Variants in EVI5L observed in about 807,000 individuals in gnomAD.
EVI5L encodes the protein ecotropic viral integration site 5 like, also known as EVI5-like protein.
A neutral mutation model predicts 106.1 loss-of-function variants in EVI5L; 30 were observed. That is an observed-to-expected ratio of 0.28 (90% CI 0.21 to 0.38). EVI5L has a LOEUF of 0.38. Among genes scored for constraint, EVI5L ranks in the 10% least tolerant of loss-of-function variants. The pLI is 1.00. For synonymous variants in EVI5L, 489 were observed against 483.3 expected, an observed-to-expected ratio of 1.01 and a Z score of -0.15; for missense variants, 809 against 1,098.0, an observed-to-expected ratio of 0.74 and a Z score of 3.72.
intron 1 of EVI5L, among the ~76,000 whole-genome samples, chr19:7,844,105 C>T (rs1978838143): frequency 6.6e-6 from 1 of 151,712 alleles, no homozygotes; most frequent in Non-Finnish European, 1.5e-5. Flanking sequence ...GTAATCCCAG[C>T]ACTTTGGGAG....
Position 7,864,836 on chromosome 19 carries a change from G to A in EVI5L, c.*1134G>A, listed in dbSNP as rs924173076. 6.6e-6 allele frequency: 1 copy of A among 152,464 alleles called. No homozygotes were observed. The highest frequency in any genetic ancestry group is 1.5e-5 in the Non-Finnish European group (1 of 68,070). The allele number at this position is 152,464 out of a possible 1,614,324, so 9.4% of individuals were successfully genotyped here. On this transcript the variant is annotated 3_prime_UTR_variant, in exon 20 of 20. Transcript: ENST00000538904. The surrounding 1 kb of genome is among the most constrained non-coding windows in gnomAD (Gnocchi z 4.5). Reference sequence around the variant, plus strand: ...GCTTCCTAGCTGCCCACTTTTCAGTGTTACGAAGCCTGGGGACCGGGGCAG... The same window carrying A: ...GCTTCCTAGCTGCCCACTTTTCAGTATTACGAAGCCTGGGGACCGGGGCAG...
chr19:7,845,097 G>A lies in EVI5L; in HGVS notation c.-47-1399G>A, dbSNP rs974786861. ...GATATCCCCACTCCAAGGACCCAGCGAGGCCCTCTCTGTAGGTGGAGCTGT... is the reference window on the plus strand; with the variant it reads ...GATATCCCCACTCCAAGGACCCAGCAAGGCCCTCTCTGTAGGTGGAGCTGT... On this transcript the variant is annotated intron_variant, in intron 1 of 19. Coordinates refer to ENST00000538904, the MANE Select transcript of EVI5L (RefSeq NM_001159944.3). The surrounding 1 kb of genome is among the most constrained non-coding windows in gnomAD (Gnocchi z 4.0). Among the ~76,000 whole-genome samples the A allele has an allele frequency of 2.6e-5, 4 of 152,064 alleles. No homozygotes were observed. The highest frequency in any genetic ancestry group is 4.4e-5 in the Non-Finnish European group (3 of 67,986).
chr19:7,849,942 G>T (rs545130237), intron 5 of EVI5L, 55 bp from the exon 6 acceptor site: 18 of 1,474,794 alleles, frequency 1.2e-5, no homozygotes, highest in Non-Finnish European at 1.7e-5. Flanking sequence ...TGAGCAGCGA[G>T]ATGCCCCTCC....
Position 7,856,041 on chromosome 19 carries a change from G to C in EVI5L, c.1173G>C (p.Leu391=). Residue 391 remains leucine, a synonymous_variant, in exon 11 of 20, where the codon CTG becomes CTC. Transcript: ENST00000538904. The surrounding 1 kb of genome is among the most constrained non-coding windows in gnomAD (Gnocchi z 6.6). ...IKRLRTENRL[L]KQRIETLEKE... ...GACTTCGGACGGAGAACCGGCTCCT[G>C]AAACAGCGGATTGAAACCCTAGAGA... 7.5e-7 allele frequency: 1 copy of C among 1,329,786 alleles called. No individual in the cohort carries two copies. The highest frequency in any genetic ancestry group is 9.7e-7 in the Non-Finnish European group (1 of 1,030,262). The allele number at this position is 1,329,786 out of a possible 1,614,324, so 82.4% of individuals were successfully genotyped here.
chr19:7,842,886 G>A (rs2042865385), intron 1 of EVI5L, among the ~76,000 whole-genome samples: 1 of 150,406 alleles, frequency 6.6e-6, no homozygotes, highest in Non-Finnish European at 1.5e-5. Flanking sequence ...AATGTGCATG[G>A]GTATGTGTGT....
At chr19:7,862,945 C>A (rs1302464082) in intron 17 of EVI5L, 27 bp from the exon 18 acceptor site, 2 of 1,477,674 alleles carry the variant, frequency 1.4e-6, no homozygotes, top group East Asian at 5.2e-5. Context: ...GACCCGCCCT[C>A]CTTTCCCCCC....
intron 1 of EVI5L, among the ~76,000 whole-genome samples, chr19:7,843,007 T>C (rs1978720485): frequency 6.6e-6 from 1 of 151,832 alleles, no homozygotes; most frequent in Non-Finnish European, 1.5e-5. Context: ...TGTGTGCATG[T>C]GTGTATAGGT....
chr19:7,846,363 T>A (rs1385803459), intron 1 of EVI5L, 133 bp from the exon 2 acceptor site: 1 of 740,376 alleles, frequency 1.4e-6, no homozygotes, highest in Admixed American at 3.4e-5. Context: ...CTGGGGCGCA[T>A]GGGGATGAGG....
chr19:7,857,053 C>T lies in EVI5L; in HGVS notation c.1201-39C>T. The T allele has an allele frequency of 6.4e-7, 1 of 1,551,690 alleles. No homozygotes were observed. Among genetic ancestry groups the T allele is most frequent in the South Asian group, 1.2e-5 (1 of 84,068 alleles). On this transcript the variant is annotated intron_variant, in intron 11 of 19. Transcript: ENST00000538904. This position sits in a 1 kb window ranked among gnomAD's most constrained non-coding sequence, Gnocchi z 4.5. ...CCTGTCCCCGCGCCTTCCGCTCTGC[C>T]TCCTCCCCCTGTCGCTGGGAACCCC...
rs536134166 is a variant in EVI5L, at chr19:7,835,883, G to A, written c.-48+5502G>A. ...CAAATCGGGGTCACATGGCATCTTG[G>A]GCTTTAGATTCCGAAATGAGTCTGT... On this transcript the variant is annotated intron_variant, in intron 1 of 19. Coordinates refer to ENST00000538904, the MANE Select transcript of EVI5L (RefSeq NM_001159944.3). This position sits in a 1 kb window ranked among gnomAD's most constrained non-coding sequence, Gnocchi z 4.1. Among the ~76,000 whole-genome samples the A allele has an allele frequency of 1.3e-5, 2 of 152,274 alleles. No individual in the cohort carries two copies. Among genetic ancestry groups the A allele is most frequent in the Non-Finnish European group, 2.9e-5 (2 of 68,024 alleles).
rs371567316 is a variant in EVI5L at position 7,847,744 on chromosome 19, C to T, written c.150C>T (p.Ala50=). 5.6e-6 allele frequency: 9 copies of T among 1,612,110 alleles called. No individual in the cohort carries two copies. Among genetic ancestry groups the T allele is most frequent in the South Asian group, 3.3e-5 (3 of 90,870 alleles). Residue 50 remains alanine (A), a synonymous_variant, in exon 3 of 20, where the codon GCC becomes GCT. Transcript: ENST00000538904. ...CCTTCCTGCCCAGGCTCCTGGAGGC[C>T]GACTCCAAGTCCATGCGCTCCATGA... ...KLEEQNRLLE[A]DSKSMRSMNG... is the part of the protein sequence containing the mutation.
At chr19:7,861,500 C>T (rs996568681) in intron 14 of EVI5L, among the ~76,000 whole-genome samples, 1 of 152,220 alleles carries the variant, frequency 6.6e-6, no homozygotes, top group African/African-American at 2.4e-5. Flanking sequence ...ACTGCCTGGC[C>T]TGGTGTGGCC....
At position 7,846,598 on chromosome 19, in the gene EVI5L, C is replaced by G. The variant is rs777013067; in HGVS notation, c.56C>G (p.Pro19Arg). ...TCATCCCAGGAGGCCCTGTCGGCCCCCACCTGCTCCCCAACCTCTGACTCC... is the reference window on the plus strand; with the variant it reads ...TCATCCCAGGAGGCCCTGTCGGCCCGCACCTGCTCCCCAACCTCTGACTCC... ...DSSSQEALSA[P>R]TCSPTSDSEN... Residue 19 changes from proline (P) to arginine (R), a missense_variant, in exon 2 of 20, where the codon CCC becomes CGC. By Grantham distance (103) the Pro-to-Arg change is moderately radical. Coordinates refer to ENST00000538904, the MANE Select transcript of EVI5L (RefSeq NM_001159944.3). The G allele has an allele frequency of 5.6e-6, 9 of 1,613,738 alleles. No individual in the cohort carries two copies. In the Admixed American group the frequency reaches 1.5e-4, roughly 27 times the overall value.
At chr19:7,833,590 G>T (rs190408171) in intron 1 of EVI5L, among the ~76,000 whole-genome samples, 1 of 152,248 alleles carries the variant, frequency 6.6e-6, no homozygotes, top group African/African-American at 2.4e-5. Context: ...ACAGGCAGGC[G>T]TGGCAGGGAA....
rs1032844817 is a variant in EVI5L, at chr19:7,845,335, G to T, written c.-47-1161G>T. On this transcript the variant is annotated intron_variant, in intron 1 of 19. Transcript: ENST00000538904. The surrounding 1 kb of genome is among the most constrained non-coding windows in gnomAD (Gnocchi z 4.0). ...GCATGAAGGAACACCATCCCCAGCCGCTGCCTCCACTCCCATAGCCGTCCC... is the reference window on the plus strand; with the variant it reads ...GCATGAAGGAACACCATCCCCAGCCTCTGCCTCCACTCCCATAGCCGTCCC... Among the ~76,000 whole-genome samples, 1 of 152,060 alleles carries T rather than the reference G, an allele frequency of 6.6e-6. No homozygotes were observed. Among genetic ancestry groups the T allele is most frequent in the Non-Finnish European group, 1.5e-5 (1 of 67,964 alleles).
rs758671059 is a variant in EVI5L at position 7,856,100 on chromosome 19, C to T, written c.1200+32C>T. On this transcript the variant is annotated intron_variant, in intron 11 of 19. Transcript: ENST00000538904. The surrounding 1 kb of genome is among the most constrained non-coding windows in gnomAD (Gnocchi z 6.6). ...GGCGTGGCCACTGTGAGGACATGGT[C>T]GCCATGGGGTGTGACCCACCATGCG... 1.4e-5 allele frequency: 19 copies of T among 1,317,528 alleles called. No homozygotes were observed. Among genetic ancestry groups the T allele is most frequent in the Non-Finnish European group, 1.9e-5 (19 of 1,024,068 alleles). 81.6% of individuals were successfully genotyped at this position (1,317,528 alleles called of 1,614,324 possible).
chr19:7,858,228 A>G lies in EVI5L; in HGVS notation c.1271A>G (p.Tyr424Cys). The part of the protein sequence containing the change: ...VTRAQEAEEN[Y>C]VIKRELAVVR... ...CGGGCGCAGGAGGCGGAGGAGAACTACGTCATCAAGCGGGAGCTGGCGGTG... is the reference window on the plus strand; with the variant it reads ...CGGGCGCAGGAGGCGGAGGAGAACTGCGTCATCAAGCGGGAGCTGGCGGTG... The change falls in exon 13 of 20, where the codon TAC becomes TGC. Residue 424 changes from tyrosine (Y) to cysteine (C), a missense_variant. This residue lies in a region of EVI5L where 357 missense variants were observed against 588.1 expected (regional missense o/e 0.61). Coordinates refer to ENST00000538904, the MANE Select transcript of EVI5L (RefSeq NM_001159944.3). The surrounding 1 kb of genome is among the most constrained non-coding windows in gnomAD (Gnocchi z 5.7). 6.4e-7 allele frequency: 1 copy of G among 1,568,310 alleles called. No homozygotes were observed.
At chr19:7,836,657 G>A (rs1312558869) in intron 1 of EVI5L, among the ~76,000 whole-genome samples, 2 of 149,812 alleles carry the variant, frequency 1.3e-5, no homozygotes, top group African/African-American at 2.5e-5. Context: ...TTTTTTTTTA[G>A]ACGGAGTCTC....
intron 1 of EVI5L, among the ~76,000 whole-genome samples, chr19:7,832,175 C>T (rs1464888815): frequency 1.3e-5 from 2 of 152,214 alleles, no homozygotes; most frequent in Admixed American, 6.5e-5. Flanking sequence ...TTCCTCTGGG[C>T]TTCTGTGGTC....
Sources: allele counts gnomAD v4.1 joint callset (sites outside exome capture counted in the v4.1 genomes callset), GRCh38; gene constraint gnomAD v4.1.1; regional missense constraint gnomAD v4.1.1; non-coding constraint Gnocchi (gnomAD v3.1); transcripts MANE v1.5; gene names NCBI Gene and HGNC (gene_info 2026-07-23, HGNC 2026-07-21).